The following DAZAP1 variants were observed in gnomAD, a reference collection of about 807,000 sequenced individuals.
DAZAP1 encodes DAZ associated protein 1.
DAZAP1 carries 6 observed loss-of-function variants against 60.1 expected under a neutral mutation model. The observed-to-expected ratio is 0.10, with a 90% CI of 0.05 to 0.20. DAZAP1 has a LOEUF of 0.20. DAZAP1 is among the 10% of genes least tolerant of loss of function. The probability of loss-of-function intolerance (pLI) is 1.00; values close to 1 mark genes in which losing one functional copy is unlikely to be tolerated. For missense variants in DAZAP1, 366 were observed against 560.4 expected (o/e 0.65, Z 3.50); for synonymous variants, 235 against 215.9 (o/e 1.09, Z -0.78).
At chr19:1,412,410 C>T (rs532011032) in intron 1 of DAZAP1, among the ~76,000 whole-genome samples, 16 of 152,334 alleles carry the variant, frequency 1.1e-4, no homozygotes, top group African/African-American at 3.8e-4. Context: ...TGGGCCTGGA[C>T]TTCTGCCTCT....
At chr19:1,413,133 G>T (rs1024114228) in intron 1 of DAZAP1, among the ~76,000 whole-genome samples, 18 of 152,348 alleles carry the variant, frequency 1.2e-4, no homozygotes, top group African/African-American at 4.3e-4. Context: ...AACGTCCTCA[G>T]TCCACACGCC....
At chr19:1,413,674 C>CTTGA (rs546854734) in intron 1 of DAZAP1, among the ~76,000 whole-genome samples, 101 of 152,318 alleles carry the variant, frequency 6.6e-4, no homozygotes, top group African/African-American at 2.2e-3. Context: ...CGGTGCCTCA[C>CTTGA]GCCTGTCATC....
At chr19:1,410,535 T>C (rs1004411484) in intron 1 of DAZAP1, among the ~76,000 whole-genome samples, 1 of 152,224 alleles carries the variant, frequency 6.6e-6, no homozygotes, top group Non-Finnish European at 1.5e-5. Context: ...CTCCCTGGCC[T>C]TGTGAAGTCA....
Position 1,426,721 on chromosome 19 carries a change from G to T in DAZAP1, c.546+761G>T, listed in dbSNP as rs2083312319. 1 of 152,240 alleles carries T rather than the reference G, an allele frequency of 6.6e-6. No individual in the cohort carries two copies. Among genetic ancestry groups the T allele is most frequent in the African/African-American group, 2.4e-5 (1 of 41,460 alleles). 9.4% of individuals were successfully genotyped at this position (152,240 alleles called of 1,614,324 possible). A position where few individuals can be genotyped will look rare whatever the true frequency, so the allele number is the denominator to read the frequency against. ...ATTCTACAGTGTGGAATTTCTTGCA[G>T]TTAGCAAAAGCTTAGGGGTCCAGGT... On this transcript the variant is annotated intron_variant, in intron 7 of 11. Transcript: ENST00000233078. The surrounding 1 kb of genome is among the most constrained non-coding windows in gnomAD (Gnocchi z 5.4).
rs774970292 is a variant in DAZAP1 at position 1,434,830 on chromosome 19, C to T, written c.1142C>T (p.Ser381Leu). 1 of 1,587,068 alleles carries T rather than the reference C, an allele frequency of 6.3e-7. No individual in the cohort carries two copies. Among genetic ancestry groups the T allele is most frequent in the Non-Finnish European group, 8.6e-7 (1 of 1,165,378 alleles). ...TACGGGGGTCCCTCCGTGCCAGGGTCGGGGGGCCCCCCCGCCGGCGGCAGC... is the reference window on the plus strand; with the variant it reads ...TACGGGGGTCCCTCCGTGCCAGGGTTGGGGGGCCCCCCCGCCGGCGGCAGC... Reference protein sequence around the residue: ...PSYGGPSVPGSGGPPAGGSGF... With the variant: ...PSYGGPSVPGLGGPPAGGSGF... The change falls in exon 12 of 12, where the codon TCG becomes TTG. Residue 381 changes from serine to leucine, a missense_variant. Physicochemically the swap from Ser to Leu is moderately radical, Grantham distance 145 (BLOSUM62 -2). Around this residue, in one of 3 missense-constraint regions of DAZAP1, gnomAD observed 240 missense variants for 308.8 expected, o/e 0.78. Coordinates refer to ENST00000233078, the MANE Select transcript of DAZAP1 (RefSeq NM_018959.4). The surrounding 1 kb of genome is among the most constrained non-coding windows in gnomAD (Gnocchi z 8.0).
chr19:1,434,885 G>A lies in DAZAP1; in HGVS notation c.1197G>A (p.Val399=). 2 of 1,573,132 alleles carry A rather than the reference G, an allele frequency of 1.3e-6. No individual in the cohort carries two copies. The highest frequency in any genetic ancestry group is 2.3e-5 in the East Asian group (1 of 42,818). Residue 399 remains valine, a synonymous_variant, in exon 12 of 12, where the codon GTG becomes GTA. Coordinates refer to ENST00000233078, the MANE Select transcript of DAZAP1 (RefSeq NM_018959.4). The surrounding 1 kb of genome is among the most constrained non-coding windows in gnomAD (Gnocchi z 8.0). ...TTGGACGAGGGCAGAACCACAACGT[G>A]CAAGGGTTCCACCCCTACCGACGCT... ...SGFGRGQNHN[V]QGFHPYRR
chr19:1,430,234 C>A lies in DAZAP1; in HGVS notation c.743C>A (p.Pro248Gln). ...PAGQAIGGYG[P>Q]PPAGRGAPPP... ...CTGTGTGTTTCAGGTGGCTATGGAC[C>A]GCCCCCTGCAGGAAGAGGAGCCCCC... Residue 248 changes from proline (P) to glutamine (Q), a missense_variant, in exon 10 of 12, where the codon CCG (proline) becomes CAG (glutamine). Around this residue, in one of 3 missense-constraint regions of DAZAP1, gnomAD observed 240 missense variants for 308.8 expected, o/e 0.78. Coordinates refer to ENST00000233078, the MANE Select transcript of DAZAP1 (RefSeq NM_018959.4). The A allele has an allele frequency of 1.3e-6, 2 of 1,577,854 alleles. No homozygotes were observed. Among genetic ancestry groups the A allele is most frequent in the East Asian group, 2.2e-5 (1 of 44,624 alleles).
Position 1,433,795 on chromosome 19 carries a change from C to G in DAZAP1, c.1049-942C>G. On this transcript the variant is annotated intron_variant, in intron 11 of 11. Coordinates refer to ENST00000233078, the MANE Select transcript of DAZAP1 (RefSeq NM_018959.4). The surrounding 1 kb of genome is among the most constrained non-coding windows in gnomAD (Gnocchi z 6.1). ...CTGCGGCCCACACTTTGTTTACAGT[C>G]TTATGGTCAGGCTGAGCAGTGATGT... The G allele has an allele frequency of 1.2e-6, 2 of 1,613,982 alleles. No homozygotes were observed. The highest frequency in any genetic ancestry group is 1.7e-6 in the Non-Finnish European group (2 of 1,179,896).
rs1260214417 is a variant in DAZAP1 at position 1,426,165 on chromosome 19, T to A, written c.546+205T>A. On this transcript the variant is annotated intron_variant, in intron 7 of 11. Coordinates refer to ENST00000233078, the MANE Select transcript of DAZAP1 (RefSeq NM_018959.4). This position sits in a 1 kb window ranked among gnomAD's most constrained non-coding sequence, Gnocchi z 5.4. Reference sequence around the variant, plus strand: ...ACCCTTCCTGCGGGGTGGGGATCTCTCAGCTTTGCTCCTGGAGCCCCTCCC... The same window carrying A: ...ACCCTTCCTGCGGGGTGGGGATCTCACAGCTTTGCTCCTGGAGCCCCTCCC... 3.3e-5 allele frequency among the ~76,000 whole-genome samples: 5 copies of A among 152,152 alleles called. No individual in the cohort carries two copies. The highest frequency in any genetic ancestry group is 1.2e-4 in the African/African-American group (5 of 41,436).
Position 1,426,200 on chromosome 19 carries a change from CCTGGGACTGGGCGGGTAGGGGG to C in DAZAP1, c.546+246_546+267del, listed in dbSNP as rs1317828486. On this transcript the variant is annotated intron_variant, in intron 7 of 11. Coordinates refer to ENST00000233078, the MANE Select transcript of DAZAP1 (RefSeq NM_018959.4). The surrounding 1 kb of genome is among the most constrained non-coding windows in gnomAD (Gnocchi z 5.4). The stretch of plus-strand genomic sequence containing the variant: ...TCCTGGAGCCCCTCCCTCTGGGTGA[CCTGGGACTGGGCGGGTAGGGGG>C]CTGGGGCTGGGAGGCTGTGGCGGTG... 1 of 484,228 alleles carries C rather than the reference CCTGGGACTGGGCGGGTAGGGGG, an allele frequency of 2.1e-6. No homozygotes were observed. The highest frequency in any genetic ancestry group is 2.0e-5 in the African/African-American group (1 of 50,982). 30.0% of individuals were successfully genotyped at this position (484,228 alleles called of 1,614,324 possible).
Position 1,432,579 on chromosome 19 carries a change from C to G in DAZAP1, c.937C>G (p.Pro313Ala), listed in dbSNP as rs758652744. The G allele has an allele frequency of 5.6e-6, 9 of 1,613,662 alleles. No homozygotes were observed. The highest frequency in any genetic ancestry group is 1.7e-6 in the Non-Finnish European group (2 of 1,180,020). Residue 313 changes from proline to alanine, a missense_variant, in exon 11 of 12, where the codon CCA becomes GCA. Physicochemically the swap from Pro to Ala is conservative, Grantham distance 27. Coordinates refer to ENST00000233078, the MANE Select transcript of DAZAP1 (RefSeq NM_018959.4). The surrounding 1 kb of genome is among the most constrained non-coding windows in gnomAD (Gnocchi z 4.9). ...TGCCCCTCCGGGGGTTCCTCCTCCA[C>G]CAGCCACTCCCGGGGCAGCACCTCT... ...QFAPPGVPPP[P>A]ATPGAAPLAF...
At position 1,428,763 on chromosome 19, in the gene DAZAP1, GT is replaced by G. The variant is rs1472695806; in HGVS notation, c.547-77del. The G allele has an allele frequency of 3.2e-6, 5 of 1,551,966 alleles. No individual in the cohort carries two copies. Among genetic ancestry groups the G allele is most frequent in the African/African-American group, 1.4e-5 (1 of 73,128 alleles). The stretch of plus-strand genomic sequence containing the variant: ...TGTAAGATGCTAAGTGTAGTCATAA[GT>G]TACCCGAGGGTGTGTCTAAAGGGAA... On this transcript the variant is annotated intron_variant, in intron 7 of 11. Transcript: ENST00000233078. This position sits in a 1 kb window ranked among gnomAD's most constrained non-coding sequence, Gnocchi z 4.0.
intron 5 of DAZAP1, among the ~76,000 whole-genome samples, chr19:1,421,943 C>G (rs558930466): frequency 1.3e-5 from 2 of 152,176 alleles, no homozygotes; most frequent in African/African-American, 4.8e-5. Context: ...CCCGCCACTT[C>G]GAGTGAGGGC....
intron 1 of DAZAP1, among the ~76,000 whole-genome samples, chr19:1,409,013 G>T (rs542798830): frequency 6.6e-5 from 10 of 152,318 alleles, no homozygotes; most frequent in African/African-American, 2.4e-4. Flanking sequence ...GGCGCCTCTC[G>T]CACCAGCTAC....
At position 1,407,648 on chromosome 19, in the gene DAZAP1, CCGCCGCCGCCGCCGT is replaced by C; in HGVS notation, c.-125_-111del. Reference sequence around the variant, plus strand: ...GCCGCCGCCGCCGCCGCCGCCGCCGCCGCCGCCGCCGCCGTTGCGCAGATCCGGGCCGCGGCTGTG... The same window carrying C: ...GCCGCCGCCGCCGCCGCCGCCGCCGCTGCGCAGATCCGGGCCGCGGCTGTG... On this transcript the variant is annotated 5_prime_UTR_variant, in exon 1 of 12. Coordinates refer to ENST00000233078, the MANE Select transcript of DAZAP1 (RefSeq NM_018959.4). 1 of 948,984 alleles carries C rather than the reference CCGCCGCCGCCGCCGT, an allele frequency of 1.1e-6. No homozygotes were observed. The highest frequency in any genetic ancestry group is 1.3e-6 in the Non-Finnish European group (1 of 794,246). 58.8% of individuals were successfully genotyped at this position (948,984 alleles called of 1,614,324 possible).
At chr19:1,429,886 C>A (rs1393143479) in intron 8 of DAZAP1, 81 bp from the exon 9 acceptor site, 8 of 1,531,694 alleles carry the variant, frequency 5.2e-6, no homozygotes, top group South Asian at 3.6e-5. Flanking sequence ...CAGCCCTTGA[C>A]GTCCATGCTC....
At chr19:1,415,067 A>G (rs2082937278) in intron 1 of DAZAP1, among the ~76,000 whole-genome samples, 1 of 152,112 alleles carries the variant, frequency 6.6e-6, no homozygotes, top group African/African-American at 2.4e-5. Context: ...CCCAGCTGAG[A>G]AAGACAGTAC....
At chr19:1,415,506 G>T (rs985080299) in intron 1 of DAZAP1, among the ~76,000 whole-genome samples, 5 of 151,692 alleles carry the variant, frequency 3.3e-5, no homozygotes, top group African/African-American at 1.2e-4. Context: ...TTCATGGGGT[G>T]GGGGCTGCTG....
intron 9 of DAZAP1, 84 bp downstream of exon 9, chr19:1,430,080 A>T (rs2083405575): frequency 1.3e-6 from 2 of 1,583,860 alleles, no homozygotes; most frequent in African/African-American, 2.7e-5. Context: ...CAGCCGGCAA[A>T]GCCTGGTTCC....
Sources: allele counts gnomAD v4.1 joint callset (sites outside exome capture counted in the v4.1 genomes callset), GRCh38; gene constraint gnomAD v4.1.1; regional missense constraint gnomAD v4.1.1; non-coding constraint Gnocchi (gnomAD v3.1); transcripts MANE v1.5; gene names NCBI Gene and HGNC (gene_info 2026-07-23, HGNC 2026-07-21).